Variants in DENND1A observed in about 807,000 individuals in gnomAD.
The protein encoded by DENND1A is DENN domain-containing protein 1A.
DENND1A carries 51 observed loss-of-function variants against 113.7 expected under a neutral mutation model. That is an observed-to-expected ratio of 0.45 (90% CI 0.36 to 0.57). DENND1A has a LOEUF of 0.57. Ranked by LOEUF, DENND1A falls within the 20% of genes least tolerant of loss-of-function variation. The pLI is 0.00. For synonymous variants in DENND1A, 565 were observed against 570.8 expected (o/e 0.99, Z 0.14); for missense variants, 1,258 against 1,395.9 (o/e 0.90, Z 1.57).
intron 8 of DENND1A, among the ~76,000 whole-genome samples, chr9:123,653,973 C>A (rs1389406287): frequency 6.6e-6 from 1 of 151,948 alleles, no homozygotes; most frequent in Non-Finnish European, 1.5e-5. Flanking sequence ...AGGGGAGAGC[C>A]ATGTTTCAAA....
intron 11 of DENND1A, among the ~76,000 whole-genome samples, chr9:123,600,734 G>A (rs2059903485): frequency 6.6e-6 from 1 of 152,050 alleles, no homozygotes; most frequent in South Asian, 2.1e-4. Flanking sequence ...GGGACGCTGA[G>A]GCAGGAGAAT....
chr9:123,611,552 T>C (rs1162659910), intron 10 of DENND1A, among the ~76,000 whole-genome samples: 1 of 152,168 alleles, frequency 6.6e-6, no homozygotes, highest in Non-Finnish European at 1.5e-5. Flanking sequence ...CACTTATTAA[T>C]GTGACCAGAA....
rs1298184550 is a variant in DENND1A at position 123,652,102 on chromosome 9, C to A, written c.529G>T (p.Val177Leu). The stretch of plus-strand genomic sequence containing the variant: ...AACATGTTGTTAACATCCACAGCCA[C>A]AAAATATTCTGTCAGATTTCTCTAG... ...PENRNLTEYF[V>L]AVDVNNMLHL... Residue 177 changes from valine (V) to leucine (L), a missense_variant, in exon 9 of 24, where the codon GTG becomes TTG. Around this residue, in one of 2 missense-constraint regions of DENND1A, gnomAD observed 1,159 missense variants for 1,231.7 expected, o/e 0.94. Transcript: ENST00000394215. 1.2e-6 allele frequency: 2 copies of A among 1,613,998 alleles called. No homozygotes were observed. Among genetic ancestry groups the A allele is most frequent in the East Asian group, 2.2e-5 (1 of 44,886 alleles).
chr9:123,528,189 C>T (rs578000933), intron 13 of DENND1A, among the ~76,000 whole-genome samples: 31 of 152,192 alleles, frequency 2.0e-4, no homozygotes, highest in Non-Finnish European at 3.8e-4. Context: ...CAAAGCTATT[C>T]TCTGCAAAGG....
chr9:123,843,508 C>T, intron 2 of DENND1A: 1 of 273,608 alleles, frequency 3.7e-6, no homozygotes, highest in Non-Finnish European at 7.3e-6. Context: ...ATTACAATTT[C>T]TAGTTTTGTA....
At position 123,909,664 on chromosome 9, in the gene DENND1A, G is replaced by A. The variant is rs547001541; in HGVS notation, c.17+20225C>T. ...AAGACCACTATATCTGTACTCAGAT[G>A]AACCTATTCATCATATCAGAGGTCT... On this transcript the variant is annotated intron_variant, in intron 1 of 23. Coordinates refer to ENST00000394215, the MANE Select transcript of DENND1A (RefSeq NM_001352964.2). 3.9e-5 allele frequency among the ~76,000 whole-genome samples: 6 copies of A among 152,094 alleles called. No homozygotes were observed. In the South Asian group the frequency reaches 1.2e-3, roughly 32 times the overall value.
intron 3 of DENND1A, among the ~76,000 whole-genome samples, chr9:123,791,504 G>T (rs1005392944): frequency 2.0e-5 from 3 of 151,886 alleles, no homozygotes; most frequent in African/African-American, 7.3e-5. Flanking sequence ...AGTTCTCTTG[G>T]GTTCTTGTAC....
intron 9 of DENND1A, among the ~76,000 whole-genome samples, chr9:123,631,343 T>C (rs1344243384): frequency 6.6e-6 from 1 of 152,204 alleles, no homozygotes; most frequent in African/African-American, 2.4e-5. Context: ...CTTCACTATA[T>C]TTATATAATA....
chr9:123,390,744 G>C (rs145684003), intron 21 of DENND1A, among the ~76,000 whole-genome samples: 173 of 152,344 alleles, frequency 1.1e-3, no homozygotes, highest in African/African-American at 4.1e-3. Context: ...CCACCCCCAG[G>C]GGCCTCACCC....
At chr9:123,447,075 A>G (rs921889029) in intron 18 of DENND1A, among the ~76,000 whole-genome samples, 2 of 152,208 alleles carry the variant, frequency 1.3e-5, no homozygotes, top group Admixed American at 6.5e-5. Context: ...AGTGGGATGC[A>G]ATTTGTTGAC....
chr9:123,669,209 A>C (rs1032909879), intron 7 of DENND1A, among the ~76,000 whole-genome samples: 1 of 152,218 alleles, frequency 6.6e-6, no homozygotes, highest in African/African-American at 2.4e-5. Flanking sequence ...CAAAAAGTCC[A>C]GGATTACCAT....
intron 1 of DENND1A, among the ~76,000 whole-genome samples, chr9:123,901,592 T>C (rs968167527): frequency 1.3e-5 from 2 of 152,222 alleles, no homozygotes; most frequent in Non-Finnish European, 2.9e-5. Flanking sequence ...TCCCTATTTT[T>C]AATCCTAGTT....
At chr9:123,825,419 T>A (rs1839162497) in intron 2 of DENND1A, among the ~76,000 whole-genome samples, 2 of 152,084 alleles carry the variant, frequency 1.3e-5, no homozygotes, top group South Asian at 4.1e-4. Flanking sequence ...TGGATGCTGA[T>A]CTTACTAGGG....
At chr9:123,416,963 G>A (rs2044778408) in intron 19 of DENND1A, among the ~76,000 whole-genome samples, 2 of 152,368 alleles carry the variant, frequency 1.3e-5, no homozygotes, top group African/African-American at 4.8e-5. Flanking sequence ...AGAAATATTG[G>A]TGGGGTAAAC....
At chr9:123,477,098 G>A (rs572603486) in intron 13 of DENND1A, among the ~76,000 whole-genome samples, 1 of 152,198 alleles carries the variant, frequency 6.6e-6, no homozygotes, top group African/African-American at 2.4e-5. Context: ...CTGAGGGCAG[G>A]GTATTCCATG....
intron 2 of DENND1A, among the ~76,000 whole-genome samples, chr9:123,801,862 T>C (rs1834731114): frequency 6.6e-6 from 1 of 152,210 alleles, no homozygotes; most frequent in African/African-American, 2.4e-5. Context: ...AAACTTGACA[T>C]GCTCTATTCA....
Position 123,383,797 on chromosome 9 carries a change from G to A in DENND1A, c.1877C>T (p.Ala626Val). 8 of 1,614,116 alleles carry A rather than the reference G, an allele frequency of 5.0e-6. No homozygotes were observed. Among genetic ancestry groups the A allele is most frequent in the Non-Finnish European group, 6.8e-6 (8 of 1,180,042 alleles). ...GTCTTCCAGAAGGTCGATGCTGGCAGCCCGGTCAGGGGGAGCTGGGACAGG... is the reference window on the plus strand; with the variant it reads ...GTCTTCCAGAAGGTCGATGCTGGCAACCCGGTCAGGGGGAGCTGGGACAGG... ...TGPVPAPPDR[A>V]ASIDLLEDVF... The change falls in exon 23 of 24, where the codon GCT (alanine) becomes GTT (valine). Residue 626 changes from alanine (A) to valine (V), a missense_variant. Around this residue, in one of 2 missense-constraint regions of DENND1A, gnomAD observed 1,159 missense variants for 1,231.7 expected, o/e 0.94. Transcript: ENST00000394215.
At chr9:123,859,091 A>G (rs2133259392) in intron 2 of DENND1A, among the ~76,000 whole-genome samples, 1 of 152,324 alleles carries the variant, frequency 6.6e-6, no homozygotes, top group East Asian at 1.9e-4. Flanking sequence ...CTGTATCTGA[A>G]CATCCACCTA....
Position 123,630,485 on chromosome 9 carries a change from G to A in DENND1A, c.619-9C>T. On this transcript the variant is annotated splice_polypyrimidine_tract_variant and intron_variant, in intron 9 of 23. Transcript: ENST00000394215. ...TGGATGCAGGCAGTCAGCTGGAACAGAGCAAAGCAGAGATCAATGAACAAA... is the reference window on the plus strand; with the variant it reads ...TGGATGCAGGCAGTCAGCTGGAACAAAGCAAAGCAGAGATCAATGAACAAA... 6.5e-7 allele frequency: 1 copy of A among 1,547,084 alleles called. No homozygotes were observed. The highest frequency in any genetic ancestry group is 8.8e-7 in the Non-Finnish European group (1 of 1,142,672).
Sources: allele counts gnomAD v4.1 joint callset (sites outside exome capture counted in the v4.1 genomes callset), GRCh38; gene constraint gnomAD v4.1.1; regional missense constraint gnomAD v4.1.1; transcripts MANE v1.5; gene names NCBI Gene and HGNC (gene_info 2026-07-23, HGNC 2026-07-21).